NAA38: variants seen among roughly 807,000 people sequenced by gnomAD.
NAA38 encodes N-alpha-acetyltransferase 38, NatC auxiliary subunit.
A neutral mutation model predicts 12.6 loss-of-function variants in NAA38; 15 were observed. That is an observed-to-expected ratio of 1.19 (90% confidence interval 0.79 to 1.83). NAA38 has a LOEUF of 1.83. NAA38 is among the 40% of genes most tolerant of loss of function. The probability of loss-of-function intolerance (pLI) is 0.00; values close to 1 mark genes in which losing one functional copy is unlikely to be tolerated. For missense variants in NAA38, 183 were observed against 171.7 expected, an observed-to-expected ratio of 1.07 and a Z score of -0.37; for synonymous variants, 88 against 69.9, an observed-to-expected ratio of 1.26 and a Z score of -1.29.
chr17:7,882,276 G>A (rs1180565744), intron 2 of NAA38, among the ~76,000 whole-genome samples: 1 of 152,208 alleles, frequency 6.6e-6, no homozygotes, highest in Non-Finnish European at 1.5e-5. Flanking sequence ...ATGATGCGCA[G>A]TGTGGCCCAC....
At chr17:7,872,851 A>T (rs1597881194) in intron 2 of NAA38, among the ~76,000 whole-genome samples, 1 of 152,214 alleles carries the variant, frequency 6.6e-6, no homozygotes, top group Non-Finnish European at 1.5e-5. Flanking sequence ...AGCAGTCAAC[A>T]GGTATTTCCA....
chr17:7,885,074 C>T, intron 1 of NAA38: 1 of 989,720 alleles, frequency 1.0e-6, no homozygotes, highest in South Asian at 4.5e-5. Flanking sequence ...GCCGCCGCCC[C>T]CGCCGCCAGG....
upstream of NAA38, chr17:7,857,854 C>T (rs1402817702): frequency 1.5e-6 from 2 of 1,374,986 alleles, no homozygotes; most frequent in African/African-American, 1.5e-5. Context: ...TCGTTCTCTG[C>T]CCCACCCCGC....
At chr17:7,884,817 C>T (rs1209722740) in intron 1 of NAA38, 9 of 835,270 alleles carry the variant, frequency 1.1e-5, no homozygotes, top group Non-Finnish European at 1.5e-5. Context: ...ATGGCTTCCC[C>T]TCTGAGGGAC....
intron 3 of NAA38, chr17:7,866,405 G>A: frequency 8.8e-7 from 1 of 1,131,376 alleles, no homozygotes; most frequent in Non-Finnish European, 1.1e-6. Context: ...ATTGCGCCCG[G>A]CCGCCACGGG....
upstream of NAA38, chr17:7,859,334 T>G: frequency 6.7e-7 from 1 of 1,489,000 alleles, no homozygotes. Flanking sequence ...TGTGTATATG[T>G]ATACTCCATC....
chr17:7,859,345 C>A, upstream of NAA38: 1 of 1,563,526 alleles, frequency 6.4e-7, no homozygotes, highest in South Asian at 1.1e-5. Context: ...ATACTCCATC[C>A]AGAATTCTGG....
chr17:7,858,735 G>A (rs777627998), upstream of NAA38: 2 of 1,606,334 alleles, frequency 1.2e-6, no homozygotes, highest in East Asian at 2.2e-5. Context: ...CTGGTGGCAG[G>A]GGTCGTATTA....
chr17:7,859,695 G>A (rs1035524748), upstream of NAA38: 53 of 1,295,112 alleles, frequency 4.1e-5, 1 homozygote, highest in Admixed American at 4.4e-4. Flanking sequence ...TGGTGGGGCC[G>A]AGGGGTGCCT....
chr17:7,883,765 TC>T (rs1327871111), intron 1 of NAA38, among the ~76,000 whole-genome samples: 1 of 152,008 alleles, frequency 6.6e-6, no homozygotes, highest in African/African-American at 2.4e-5. Context: ...ATATATTTCA[TC>T]TTTTTCCTTT....
intron 3 of NAA38, among the ~76,000 whole-genome samples, chr17:7,866,315 A>G (rs1597878203): frequency 8.5e-6 from 1 of 118,298 alleles, no homozygotes; most frequent in African/African-American, 3.3e-5. Context: ...TTACCGTGTT[A>G]GCCAGGATGG....
At chr17:7,866,277 T>C (rs1966976118) in intron 3 of NAA38, among the ~76,000 whole-genome samples, 1 of 142,242 alleles carries the variant, frequency 7.0e-6, no homozygotes, top group African/African-American at 2.7e-5. Flanking sequence ...TTTTTTTTTT[T>C]TTTGGTATTT....
At chr17:7,865,709 G>A (rs1329800992) in intron 3 of NAA38, 2 of 152,182 alleles carry the variant, frequency 1.3e-5, no homozygotes. Context: ...CATGTGGGAT[G>A]TGAGACATAA....
chr17:7,860,895 G>A (rs1179321063), upstream of NAA38: 1 of 152,178 alleles, frequency 6.6e-6, no homozygotes, highest in Non-Finnish European at 1.5e-5. Context: ...GAAAACTAGA[G>A]TGGGGAAAAG....
At chr17:7,856,964 C>CCTTA in intron 2 of NAA38, 51 bp downstream of exon 2, 1 of 1,586,672 alleles carries the variant, frequency 6.3e-7, no homozygotes, top group Non-Finnish European at 8.6e-7. Context: ...AAATGCCTTG[C>CCTTA]GTAAGGTTCC....
chr17:7,857,963 C>T, upstream of NAA38: 5 of 1,468,796 alleles, frequency 3.4e-6, no homozygotes, highest in Non-Finnish European at 4.5e-6. Context: ...CAAACCCCGC[C>T]CCTGATATTT....
At position 7,856,742 on chromosome 17, in the gene NAA38, G is replaced by C; in HGVS notation, c.367C>G (p.Pro123Ala). 1 of 1,613,826 alleles carries C rather than the reference G, an allele frequency of 6.2e-7. No individual in the cohort carries two copies. The highest frequency in any genetic ancestry group is 8.5e-7 in the Non-Finnish European group (1 of 1,179,824). ...EVQRESLTGP[P>A]YL ...AAGCGCCATCGTGGTCAGAGATACG[G>C]AGGCCCGGTCAGACTCTCCCTCTGC... The change falls in exon 3 of 3, where the codon CCG becomes GCG. Residue 123 changes from proline to alanine, a missense_variant. Pro to Ala is a conservative substitution (Grantham distance 27). Coordinates refer to ENST00000575771, the MANE Select transcript of NAA38 (RefSeq NM_001320925.4).
chr17:7,868,534 G>A (rs1320626641), intron 2 of NAA38, among the ~76,000 whole-genome samples: 2 of 152,128 alleles, frequency 1.3e-5, no homozygotes, highest in African/African-American at 2.4e-5. Context: ...ACAGATAATA[G>A]AAAGTAAGAT....
upstream of NAA38, among the ~76,000 whole-genome samples, chr17:7,885,411 G>C (rs1276701026): frequency 6.7e-6 from 1 of 150,030 alleles, no homozygotes; most frequent in Non-Finnish European, 1.5e-5. Context: ...CGCGGCTTTC[G>C]GGGGAGGAGG....
Sources: gnomAD v4.1 joint callset for allele counts (sites outside exome capture counted in the v4.1 genomes callset) on GRCh38, gnomAD v4.1.1 for gene constraint, MANE v1.5 for transcripts, NCBI Gene and HGNC (gene_info 2026-07-23, HGNC 2026-07-21) for gene names.